ADGRL3: variants seen among roughly 807,000 people sequenced by gnomAD.
ADGRL3 encodes the protein adhesion G protein-coupled receptor L3, also known as calcium-independent alpha-latrotoxin receptor 3.
Under a neutral mutation model 153.5 loss-of-function variants are expected in ADGRL3, and 62 were observed. The observed-to-expected ratio is 0.40, with a 90% CI of 0.33 to 0.50. The LOEUF (loss-of-function observed/expected upper bound fraction) is 0.50. Ranked by LOEUF, ADGRL3 falls within the 20% of genes least tolerant of loss-of-function variation. ADGRL3 has a pLI of 0.47. For missense variants in ADGRL3, 1,641 were observed against 1,859.4 expected, an observed-to-expected ratio of 0.88 and a Z score of 2.16; for synonymous variants, 710 against 672.5, an observed-to-expected ratio of 1.06 and a Z score of -0.86.
chr4:61,771,128 C>T (rs1333217765), intron 8 of ADGRL3, among the ~76,000 whole-genome samples: 1 of 152,196 alleles, frequency 6.6e-6, no homozygotes, highest in Non-Finnish European at 1.5e-5. Context: ...TTCCAGTGCA[C>T]ATGTGGGTCC....
chr4:61,875,000 G>T (rs1344497830), intron 9 of ADGRL3, among the ~76,000 whole-genome samples: 1 of 150,478 alleles, frequency 6.6e-6, no homozygotes, highest in Middle Eastern at 3.5e-3. Context: ...AGTAGAGACG[G>T]GGTTTCACCT....
intron 15 of ADGRL3, among the ~76,000 whole-genome samples, chr4:61,939,779 G>C (rs903585343): frequency 2.0e-5 from 3 of 152,062 alleles, no homozygotes; most frequent in African/African-American, 7.2e-5. Context: ...AAATTTGCCA[G>C]TTTTTAGACC....
chr4:61,522,784 C>G (rs1291114203), intron 4 of ADGRL3, among the ~76,000 whole-genome samples: 1 of 152,116 alleles, frequency 6.6e-6, no homozygotes, highest in Admixed American at 6.5e-5. Context: ...CTCTCTTGCT[C>G]CAAATCACAT....
intron 12 of ADGRL3, among the ~76,000 whole-genome samples, chr4:61,910,513 A>T (rs1186324345): frequency 3.3e-5 from 5 of 151,100 alleles, no homozygotes; most frequent in Non-Finnish European, 7.4e-5. Flanking sequence ...TTATTTATTT[A>T]ACAAAATATC....
chr4:61,791,158 TCAAAAGTCCACAGTC>T (rs1342451316), intron 8 of ADGRL3, among the ~76,000 whole-genome samples: 2 of 152,070 alleles, frequency 1.3e-5, no homozygotes, highest in East Asian at 3.9e-4. Flanking sequence ...CAGCATTAAC[TCAAAAGTCCACAGTC>T]CAAAGTCTCA....
At position 62,037,745 on chromosome 4, in the gene ADGRL3, T is replaced by C. The variant is rs1725886080; in HGVS notation, c.3606T>C (p.Tyr1202=). The change falls in exon 24 of 27, where the codon TAT becomes TAC. Residue 1202 remains tyrosine, a synonymous_variant. Coordinates refer to ENST00000683033, the MANE Select transcript of ADGRL3 (RefSeq NM_001387552.1). ...CVLQKKVRKE[Y]GKCLRTHCCS... ...TAATTGGCTAGGTACGAAAAGAGTA[T>C]GGGAAATGCCTGCGAACACATTGCT... The C allele has an allele frequency of 9.9e-6, 16 of 1,613,096 alleles. No homozygotes were observed. Among genetic ancestry groups the C allele is most frequent in the East Asian group, 2.2e-5 (1 of 44,826 alleles).
chr4:61,964,622 A>G (rs2098999536), intron 17 of ADGRL3, among the ~76,000 whole-genome samples: 1 of 152,148 alleles, frequency 6.6e-6, no homozygotes, highest in Admixed American at 6.5e-5. Flanking sequence ...TTCCCACAAT[A>G]TCAGTATCAC....
intron 1 of ADGRL3, among the ~76,000 whole-genome samples, chr4:61,249,090 C>G (rs763966423): frequency 6.6e-6 from 1 of 152,038 alleles, no homozygotes. Context: ...TTAGAGTCTT[C>G]GTGTCTATCT....
chr4:61,932,979 T>C (rs189978125), intron 13 of ADGRL3, among the ~76,000 whole-genome samples: 6 of 152,212 alleles, frequency 3.9e-5, no homozygotes, highest in African/African-American at 1.2e-4. Flanking sequence ...TTGTATTTTT[T>C]TTAAATTATG....
chr4:61,310,104 G>T (rs897733642), intron 1 of ADGRL3, among the ~76,000 whole-genome samples: 1 of 151,022 alleles, frequency 6.6e-6, no homozygotes, highest in South Asian at 2.1e-4. Context: ...TCATGAGAAG[G>T]TTAAGATCTA....
At chr4:61,927,020 C>T (rs2098797288) in intron 13 of ADGRL3, among the ~76,000 whole-genome samples, 1 of 152,140 alleles carries the variant, frequency 6.6e-6, no homozygotes, top group Non-Finnish European at 1.5e-5. Context: ...GGAGCTTTTC[C>T]AATACAGAGC....
chr4:61,421,350 C>CAA (rs200559058), intron 2 of ADGRL3, among the ~76,000 whole-genome samples: 2 of 143,058 alleles, frequency 1.4e-5, no homozygotes, highest in African/African-American at 5.1e-5. Flanking sequence ...ACAAACAAAC[C>CAA]AAAAAAAAAA....
chr4:61,677,455 C>T (rs79114749), intron 6 of ADGRL3: 7,994 of 314,006 alleles, frequency 0.025, 253 homozygotes, highest in East Asian at 0.17. Context: ...ATATGTTTTA[C>T]AGCTTCAAGA....
At chr4:61,630,132 A>C (rs562431826) in intron 5 of ADGRL3, among the ~76,000 whole-genome samples, 143 of 152,284 alleles carry the variant, frequency 9.4e-4, no homozygotes, top group African/African-American at 3.3e-3. Context: ...ATTTTAGTGT[A>C]CTGTATAGAT....
intron 1 of ADGRL3, among the ~76,000 whole-genome samples, chr4:61,358,612 A>G (rs972076450): frequency 6.6e-6 from 1 of 150,918 alleles, no homozygotes; most frequent in African/African-American, 2.4e-5. Flanking sequence ...AAAAAAAAAA[A>G]AAAAAGAAAG....
chr4:61,378,676 G>T (rs1306729561), intron 1 of ADGRL3, among the ~76,000 whole-genome samples: 1 of 152,022 alleles, frequency 6.6e-6, no homozygotes, highest in Non-Finnish European at 1.5e-5. Flanking sequence ...TCAAAAAGTG[G>T]TGTTTGTAAT....
intron 1 of ADGRL3, among the ~76,000 whole-genome samples, chr4:61,222,669 A>G (rs1438285572): frequency 1.3e-5 from 2 of 152,186 alleles, no homozygotes; most frequent in African/African-American, 4.8e-5. Context: ...TACAGGAACC[A>G]GCTTGGTAAA....
intron 6 of ADGRL3, among the ~76,000 whole-genome samples, chr4:61,717,194 T>TCTGTAGGCCACA (rs2096134305): frequency 2.6e-5 from 3 of 114,556 alleles, no homozygotes; most frequent in African/African-American, 1.0e-4. Context: ...GCCACATAGT[T>TCTGTAGGCCACA]TATGTGTGTG....
At chr4:61,456,362 G>C (rs1350423466) in intron 2 of ADGRL3, among the ~76,000 whole-genome samples, 1 of 117,642 alleles carries the variant, frequency 8.5e-6, no homozygotes, top group African/African-American at 3.3e-5. Context: ...TATATATAGA[G>C]ATATAGATAT....
Sources: allele counts gnomAD v4.1 joint callset (sites outside exome capture counted in the v4.1 genomes callset), GRCh38; gene constraint gnomAD v4.1.1; transcripts MANE v1.5; gene names NCBI Gene and HGNC (gene_info 2026-07-23, HGNC 2026-07-21).